Variants in ZMYND11 observed in about 807,000 individuals in gnomAD.
ZMYND11 encodes zinc finger MYND domain-containing protein 11.
ZMYND11 carries 9 observed loss-of-function variants against 84.9 expected under a neutral mutation model. The ratio of observed to expected loss-of-function variants is 0.11; its 90% confidence interval spans 0.06 to 0.18. The LOEUF (loss-of-function observed/expected upper bound fraction) is 0.18, where lower values mean the gene tolerates loss of function less well. ZMYND11 is among the 10% of genes least tolerant of loss of function. ZMYND11 has a pLI of 1.00. For synonymous variants in ZMYND11, 250 were observed against 244.1 expected (o/e 1.02, Z -0.23); for missense variants, 409 against 761.0 (o/e 0.54, Z 5.44).
At chr10:161,231 G>A (rs1842892197) in intron 1 of ZMYND11, among the ~76,000 whole-genome samples, 1 of 152,162 alleles carries the variant, frequency 6.6e-6, no homozygotes, top group Non-Finnish European at 1.5e-5. Context: ...GGGGTAACCA[G>A]GTGGATTGCC....
chr10:194,292 G>T (rs1229474594), intron 2 of ZMYND11, among the ~76,000 whole-genome samples: 1 of 151,908 alleles, frequency 6.6e-6, no homozygotes, highest in African/African-American at 2.4e-5. Context: ...CTGGGCTCAG[G>T]CAGACTACCC....
chr10:164,245 G>C (rs563433491), intron 1 of ZMYND11, among the ~76,000 whole-genome samples: 3 of 151,966 alleles, frequency 2.0e-5, no homozygotes, highest in African/African-American at 7.3e-5. Flanking sequence ...CAAACATACC[G>C]AGTTCTTTCT....
At chr10:196,004 A>G (rs891584519) in intron 2 of ZMYND11, among the ~76,000 whole-genome samples, 2 of 152,234 alleles carry the variant, frequency 1.3e-5, no homozygotes, top group South Asian at 2.1e-4. Flanking sequence ...ATTGTTCTGC[A>G]TTGTCTAATC....
At chr10:161,265 G>A (rs1371012691) in intron 1 of ZMYND11, among the ~76,000 whole-genome samples, 2 of 152,162 alleles carry the variant, frequency 1.3e-5, no homozygotes, top group Non-Finnish European at 2.9e-5. Context: ...ATTTTGAAAG[G>A]AATCTATTTT....
chr10:204,193 T>A (rs1212546731), intron 2 of ZMYND11, among the ~76,000 whole-genome samples: 1 of 152,170 alleles, frequency 6.6e-6, no homozygotes, highest in Non-Finnish European at 1.5e-5. Flanking sequence ...CTTTCCTAGG[T>A]TAGATAACCA....
intron 6 of ZMYND11, among the ~76,000 whole-genome samples, chr10:238,608 G>A (rs193055392): frequency 1.8e-3 from 279 of 152,134 alleles, no homozygotes; most frequent in South Asian, 3.5e-3. Flanking sequence ...TGCCCGCCTC[G>A]GCCTCCCAAA....
At chr10:232,004 GGTTGAAGAATCC>G (rs1397464850) in intron 4 of ZMYND11, among the ~76,000 whole-genome samples, 1 of 152,164 alleles carries the variant, frequency 6.6e-6, no homozygotes, top group African/African-American at 2.4e-5. Flanking sequence ...GGGAGGCCTT[GGTTGAAGAATCC>G]TCAGGCCTGC....
In ZMYND11 at chr10:248,409, T is replaced by G; in HGVS notation, c.1301T>G (p.Val434Gly). 6.2e-7 allele frequency: 1 copy of G among 1,614,106 alleles called. No individual in the cohort carries two copies. The highest frequency in any genetic ancestry group is 8.5e-7 in the Non-Finnish European group (1 of 1,180,028). The change falls in exon 13 of 15, where the codon GTC (valine) becomes GGC (glycine). Residue 434 changes from valine (V) to glycine (G), a missense_variant. Transcript: ENST00000381604. Reference sequence around the variant, plus strand: ...ACGATGCCTCAGCCCATCGAAAAAGTCTCCGTGTCAACTCAGACAAAGAAG... The same window carrying G: ...ACGATGCCTCAGCCCATCGAAAAAGGCTCCGTGTCAACTCAGACAAAGAAG... ...IPTMPQPIEK[V>G]SVSTQTKKLS... is the part of the protein sequence containing the mutation.
At chr10:209,501 G>T (rs1944792832) in intron 2 of ZMYND11, among the ~76,000 whole-genome samples, 1 of 152,170 alleles carries the variant, frequency 6.6e-6, no homozygotes, top group Non-Finnish European at 1.5e-5. Flanking sequence ...TATGGTTGGA[G>T]ATTATAAAAT....
intron 14 of ZMYND11, chr10:249,683 G>C (rs542841302): frequency 5.4e-5 from 53 of 985,206 alleles, no homozygotes; most frequent in Non-Finnish European, 6.4e-5. Flanking sequence ...CCAAGTGCTC[G>C]TCCTACAGCC....
intron 2 of ZMYND11, among the ~76,000 whole-genome samples, chr10:200,027 G>A (rs1942754844): frequency 6.6e-6 from 1 of 151,602 alleles, no homozygotes; most frequent in African/African-American, 2.4e-5. Flanking sequence ...ACCATGCCTG[G>A]CTAAATAAGA....
intron 5 of ZMYND11, among the ~76,000 whole-genome samples, 165 bp from the exon 6 acceptor site, chr10:237,420 A>G (rs1445312527): frequency 6.6e-6 from 1 of 152,182 alleles, no homozygotes; most frequent in Admixed American, 6.5e-5. Flanking sequence ...AGGCAGGAGG[A>G]TTGCTTGAGC....
chr10:178,006 A>G (rs572703743), intron 1 of ZMYND11, among the ~76,000 whole-genome samples: 5 of 152,188 alleles, frequency 3.3e-5, no homozygotes, highest in Non-Finnish European at 5.9e-5. Flanking sequence ...TTAAACTGCC[A>G]ATTATCTTTT....
At chr10:235,680 C>T (rs750582077) in intron 4 of ZMYND11, among the ~76,000 whole-genome samples, 4 of 152,268 alleles carry the variant, frequency 2.6e-5, no homozygotes, top group Middle Eastern at 3.4e-3. Context: ...CTGTAATTGG[C>T]GTAAACGGAG....
chr10:229,571 G>T (rs1948659302), intron 4 of ZMYND11, among the ~76,000 whole-genome samples: 1 of 152,118 alleles, frequency 6.6e-6, no homozygotes, highest in Non-Finnish European at 1.5e-5. Flanking sequence ...AAGTGGGTAG[G>T]TCGAGTTTTC....
At chr10:245,021 C>G (rs181640246) in intron 10 of ZMYND11, among the ~76,000 whole-genome samples, 1 of 152,140 alleles carries the variant, frequency 6.6e-6, no homozygotes, top group Non-Finnish European at 1.5e-5. Context: ...TGAATTCCTA[C>G]TACATAATAG....
intron 2 of ZMYND11, among the ~76,000 whole-genome samples, chr10:196,238 A>C (rs1359424464): frequency 6.6e-6 from 1 of 152,236 alleles, no homozygotes; most frequent in East Asian, 1.9e-4. Context: ...CATTATTGAC[A>C]TGCTGTTCGC....
chr10:168,163 A>G (rs1055664672), intron 1 of ZMYND11, among the ~76,000 whole-genome samples: 1 of 152,180 alleles, frequency 6.6e-6, no homozygotes, highest in Non-Finnish European at 1.5e-5. Flanking sequence ...ACAATACTAC[A>G]TATGCAATAA....
In ZMYND11 at chr10:135,877, G is replaced by C. The variant is rs1554751894; in HGVS notation, c.-20+318G>C. ...CGGAGGACCGCGCGGGGCCTGCTCG[G>C]GCCGGGAAGCCGCGGAGTCGCGTGA... is the stretch of plus-strand genomic sequence containing the variant. On this transcript the variant is annotated intron_variant, in intron 1 of 14. Coordinates refer to ENST00000381604, the MANE Select transcript of ZMYND11 (RefSeq NM_001370100.5). The surrounding 1 kb of genome is among the most constrained non-coding windows in gnomAD (Gnocchi z 5.6). Among the ~76,000 whole-genome samples the C allele has an allele frequency of 2.0e-5, 3 of 151,232 alleles. No individual in the cohort carries two copies. Among genetic ancestry groups the C allele is most frequent in the Admixed American group, 2.0e-4 (3 of 15,180 alleles).
Sources: gnomAD v4.1 joint callset for allele counts (sites outside exome capture counted in the v4.1 genomes callset) on GRCh38, gnomAD v4.1.1 for gene constraint, Gnocchi (gnomAD v3.1) non-coding constraint, MANE v1.5 for transcripts, NCBI Gene and HGNC (gene_info 2026-07-23, HGNC 2026-07-21) for gene names.